SORBS2: variants seen among roughly 807,000 people sequenced by gnomAD.
SORBS2 encodes sorbin and SH3 domain-containing protein 2.
A neutral mutation model predicts 97.7 loss-of-function variants in SORBS2; 46 were observed. The ratio of observed to expected loss-of-function variants is 0.47; its 90% CI spans 0.37 to 0.60. The LOEUF (loss-of-function observed/expected upper bound fraction) is 0.60. Ranked by LOEUF, SORBS2 falls within the 20% of genes least tolerant of loss-of-function variation. The pLI is 0.00. For missense variants in SORBS2, 1,316 were observed against 1,282.3 expected, an observed-to-expected ratio of 1.03 and a Z score of -0.40; for synonymous variants, 476 against 473.4, an observed-to-expected ratio of 1.01 and a Z score of -0.07.
intron 2 of SORBS2, among the ~76,000 whole-genome samples, chr4:185,740,524 T>C (rs2098715778): frequency 6.6e-6 from 1 of 152,214 alleles, no homozygotes; most frequent in Admixed American, 6.5e-5. Context: ...AAATAGAGCC[T>C]TGAAGGTCAT....
At chr4:185,924,531 C>T (rs926135946) in intron 1 of SORBS2, among the ~76,000 whole-genome samples, 4 of 152,214 alleles carry the variant, frequency 2.6e-5, no homozygotes, top group South Asian at 4.1e-4. Flanking sequence ...AGGCAATACC[C>T]GCTGTCTTTT....
intron 5 of SORBS2, 31 bp from the exon 18 acceptor site, chr4:185,627,050 G>C: frequency 6.2e-7 from 1 of 1,604,082 alleles, no homozygotes; most frequent in Non-Finnish European, 8.5e-7. Flanking sequence ...TGTTTGATTG[G>C]CACTGGAGGA....
At chr4:185,805,839 T>G (rs2153662088) in intron 1 of SORBS2, among the ~76,000 whole-genome samples, 1 of 152,340 alleles carries the variant, frequency 6.6e-6, no homozygotes, top group East Asian at 1.9e-4. Flanking sequence ...GCTCAAACCC[T>G]TCACCAGATG....
intron 2 of SORBS2, among the ~76,000 whole-genome samples, chr4:185,736,367 G>A (rs1033066030): frequency 9.2e-5 from 14 of 152,206 alleles, no homozygotes; most frequent in African/African-American, 2.9e-4. Flanking sequence ...TCATTTAAAA[G>A]TCTTGCCTGG....
At chr4:185,659,563 C>T (rs1237077651), upstream of SORBS2, among the ~76,000 whole-genome samples, 1 of 150,342 alleles carries the variant, frequency 6.7e-6, no homozygotes, top group African/African-American at 2.4e-5. Context: ...ACTACAGGTG[C>T]CCGCCATCAC....
intron 1 of SORBS2, among the ~76,000 whole-genome samples, chr4:185,890,948 T>TTGAAGGAATGAA (rs2099242172): frequency 6.6e-6 from 1 of 151,652 alleles, no homozygotes; most frequent in Non-Finnish European, 1.5e-5. Flanking sequence ...ATAGTAAATA[T>TTGAAGGAATGAA]TGAATGAATG....
intron 2 of SORBS2, among the ~76,000 whole-genome samples, chr4:185,751,264 G>A (rs2098798911): frequency 6.7e-6 from 1 of 149,120 alleles, no homozygotes; most frequent in African/African-American, 2.5e-5. Context: ...TGAACTTTTT[G>A]AGAAGCATGT....
At chr4:185,654,780 A>AT (rs2097369182) in intron 1 of SORBS2, among the ~76,000 whole-genome samples, 1 of 147,976 alleles carries the variant, frequency 6.8e-6, no homozygotes, top group Non-Finnish European at 1.5e-5. Flanking sequence ...TTTTGCATGA[A>AT]AAATAGCTAC....
At chr4:185,639,173 A>ACCCCCCCC in intron 4 of SORBS2, 138 bp from the exon 14 acceptor site, 1 of 734,196 alleles carries the variant, frequency 1.4e-6, no homozygotes, top group South Asian at 2.3e-5. Context: ...GTCCCTAGGG[A>ACCCCCCCC]CCCAGACGCC....
At chr4:185,805,972 C>T (rs1035363239) in intron 1 of SORBS2, among the ~76,000 whole-genome samples, 2 of 152,164 alleles carry the variant, frequency 1.3e-5, no homozygotes, top group Non-Finnish European at 2.9e-5. Context: ...ACCAAAAAGG[C>T]TCATTTTTAA....
chr4:185,626,089 C>T (rs771133468), intron 6 of SORBS2, among the ~76,000 whole-genome samples: 4 of 151,330 alleles, frequency 2.6e-5, no homozygotes, highest in Non-Finnish European at 5.9e-5. Context: ...TATTCCTGTC[C>T]TCAAGGAATA....
In SORBS2 at chr4:185,756,872, C is replaced by G. The variant is rs181784586; in HGVS notation, c.-198+18355G>C. 4.1e-3 allele frequency among the ~76,000 whole-genome samples: 625 copies of G among 152,132 alleles called. 3 individuals are homozygous for G. The highest frequency in any genetic ancestry group is 0.01 in the Middle Eastern group (3 of 294). On this transcript the variant is annotated intron_variant, in intron 2 of 20. Coordinates refer to the SORBS2 transcript ENST00000284776. ...ATCAGTCACCTAAGATATCGAGTGG[C>G]AAGTCTTTCACATTTGCTGCTTATA...
At chr4:185,627,399 G>A (rs2096833826) in intron 5 of SORBS2, among the ~76,000 whole-genome samples, 1 of 152,094 alleles carries the variant, frequency 6.6e-6, no homozygotes, top group Non-Finnish European at 1.5e-5. Flanking sequence ...TGTTATTTAT[G>A]TAGAGACAGA....
intron 8 of SORBS2, among the ~76,000 whole-genome samples, chr4:185,619,763 C>G (rs1361082152): frequency 5.3e-5 from 8 of 152,176 alleles, no homozygotes; most frequent in Admixed American, 5.2e-4. Flanking sequence ...ACGAGGTGCC[C>G]TAACTCAGGA....
intron 1 of SORBS2, among the ~76,000 whole-genome samples, chr4:185,905,255 G>A (rs544527018): frequency 6.6e-6 from 1 of 152,142 alleles, no homozygotes; most frequent in Admixed American, 6.5e-5. Context: ...TGGCTAAAGT[G>A]AGCTCATTTT....
chr4:185,593,834 AT>A (rs2096017816), intron 13 of SORBS2, 51 bp downstream of exon 25: 2 of 1,221,848 alleles, frequency 1.6e-6, no homozygotes, highest in Admixed American at 1.7e-5. Context: ...ACAGTTGTCC[AT>A]TTTGTGGGTC....
intron 2 of SORBS2, among the ~76,000 whole-genome samples, chr4:185,687,589 G>A (rs1305029883): frequency 1.3e-5 from 2 of 152,146 alleles, no homozygotes; most frequent in Non-Finnish European, 2.9e-5. Flanking sequence ...ATAAATAGAA[G>A]TGTTACATAT....
rs1554199361 is a variant in SORBS2, at chr4:185,709,304, C to CCTTTTTTTTT, written c.-197-30483_-197-30482insAAAAAAAAAG. ...GCATGAGCCGCTGTGCTGGCCAAATCTTTTTTTTTTTTTTTTTTTTAGTAA... is the reference window on the plus strand; with the variant it reads ...GCATGAGCCGCTGTGCTGGCCAAATCCTTTTTTTTTTTTTTTTTTTTTTTTTTTTTAGTAA... On this transcript the variant is annotated intron_variant, in intron 2 of 20. Coordinates refer to the SORBS2 transcript ENST00000284776. Among the ~76,000 whole-genome samples, 36 of 96,760 alleles carry CCTTTTTTTTT rather than the reference C, an allele frequency of 3.7e-4. 5 individuals are homozygous for CCTTTTTTTTT. Among genetic ancestry groups the CCTTTTTTTTT allele is most frequent in the Middle Eastern group, 5.7e-3 (1 of 174 alleles). 63.5% of individuals were successfully genotyped at this position (96,760 alleles called of 152,430 possible).
chr4:185,719,708 C>T lies in SORBS2; in HGVS notation c.-197-40886G>A, dbSNP rs376214124. Among the ~76,000 whole-genome samples, 30 of 152,336 alleles carry T rather than the reference C, an allele frequency of 2.0e-4. No homozygotes were observed. In the East Asian group the frequency reaches 2.3e-3, roughly 12 times the overall value. ...CTTCAATTGTTGAAATCATCCAAGA[C>T]GTGTTTCTAATCTACATTTTGAAAA... is the stretch of plus-strand genomic sequence containing the variant. On this transcript the variant is annotated intron_variant, in intron 2 of 20. Coordinates refer to the SORBS2 transcript ENST00000284776.
Sources: gnomAD v4.1 joint callset for allele counts (sites outside exome capture counted in the v4.1 genomes callset) on GRCh38, gnomAD v4.1.1 for gene constraint, MANE v1.5 for transcripts, NCBI Gene and HGNC (gene_info 2026-07-23, HGNC 2026-07-21) for gene names.